Variants in RBFOX1 observed in about 807,000 individuals in gnomAD.
The protein encoded by RBFOX1 is RNA binding fox-1 homolog 1.
Under a neutral mutation model 57.7 loss-of-function variants are expected in RBFOX1, and 8 were observed. The ratio of observed to expected loss-of-function variants is 0.14; its 90% CI spans 0.08 to 0.25. The LOEUF is 0.25. Among genes scored for constraint, RBFOX1 ranks in the 10% least tolerant of loss-of-function variants. The pLI is 1.00. For missense variants in RBFOX1, 611 were observed against 548.5 expected, an observed-to-expected ratio of 1.11 and a Z score of -1.14; for synonymous variants, 326 against 222.4, an observed-to-expected ratio of 1.47 and a Z score of -4.15.
At chr16:5,667,230 A>T (rs1056945721) in intron 3 of RBFOX1, among the ~76,000 whole-genome samples, 9 of 151,744 alleles carry the variant, frequency 5.9e-5, no homozygotes, top group African/African-American at 2.2e-4. Context: ...GGTTTATTTC[A>T]TTCTCCACTC....
intron 3 of RBFOX1, among the ~76,000 whole-genome samples, chr16:6,986,312 C>T (rs1223035272): frequency 1.3e-5 from 2 of 152,044 alleles, no homozygotes; most frequent in Non-Finnish European, 2.9e-5. Flanking sequence ...GCGACTCTTG[C>T]CTCAGCCTCC....
intron 1 of RBFOX1, among the ~76,000 whole-genome samples, chr16:6,304,751 G>A (rs1007469793): frequency 4.0e-5 from 6 of 151,788 alleles, no homozygotes; most frequent in Non-Finnish European, 8.8e-5. Context: ...CAGGTGCGGT[G>A]GTGCACGCCT....
At chr16:6,768,610 T>C (rs78552290) in intron 3 of RBFOX1, among the ~76,000 whole-genome samples, 5,512 of 151,912 alleles carry the variant, frequency 0.036, 273 homozygotes, top group East Asian at 0.26. Context: ...TACAAACATA[T>C]ATGATTTGGT....
chr16:7,709,760 G>T, intron 15 of RBFOX1: 1 of 139,210 alleles, frequency 7.2e-6, no homozygotes, highest in Non-Finnish European at 1.2e-5. Flanking sequence ...AGGGGGTGGG[G>T]GGAGGGTAAA....
At chr16:6,597,871 A>T (rs1465447892) in intron 2 of RBFOX1, among the ~76,000 whole-genome samples, 1 of 152,060 alleles carries the variant, frequency 6.6e-6, no homozygotes, top group African/African-American at 2.4e-5. Flanking sequence ...TGCCATGGCC[A>T]TCTTGGCACC....
chr16:7,180,483 G>T (rs1385070700), intron 4 of RBFOX1, among the ~76,000 whole-genome samples: 1 of 152,112 alleles, frequency 6.6e-6, no homozygotes, highest in African/African-American at 2.4e-5. Flanking sequence ...TCTACACCAC[G>T]TTTATGCACT....
intron 3 of RBFOX1, among the ~76,000 whole-genome samples, chr16:6,736,508 T>C (rs1007261115): frequency 7.9e-5 from 12 of 152,332 alleles, no homozygotes; most frequent in Non-Finnish European, 1.3e-4. Flanking sequence ...TATGGCTAAG[T>C]AGTATTGCAT....
chr16:6,478,351 T>C (rs1348198219), intron 2 of RBFOX1, among the ~76,000 whole-genome samples: 1 of 133,780 alleles, frequency 7.5e-6, no homozygotes, highest in Non-Finnish European at 1.6e-5. Context: ...GCCTCCCAAG[T>C]AGCTGGGATT....
chr16:6,614,394 T>C (rs1036787688), intron 2 of RBFOX1, among the ~76,000 whole-genome samples: 1 of 152,226 alleles, frequency 6.6e-6, no homozygotes, highest in African/African-American at 2.4e-5. Context: ...AATATTGGTA[T>C]CTGCCTAGAA....
chr16:5,285,012 A>G (rs2151158358), intron 1 of RBFOX1, among the ~76,000 whole-genome samples: 1 of 152,000 alleles, frequency 6.6e-6, no homozygotes, highest in Non-Finnish European at 1.5e-5. Flanking sequence ...CATTTGCAAG[A>G]CTTAGGAAGT....
intron 3 of RBFOX1, among the ~76,000 whole-genome samples, chr16:6,963,946 C>A (rs112896262): frequency 6.6e-6 from 1 of 152,078 alleles, no homozygotes; most frequent in Non-Finnish European, 1.5e-5. Flanking sequence ...GATCCACCCG[C>A]CTCGGCCTCC....
At chr16:7,205,712 T>A (rs545711595) in intron 4 of RBFOX1, among the ~76,000 whole-genome samples, 3 of 152,288 alleles carry the variant, frequency 2.0e-5, no homozygotes, top group African/African-American at 7.2e-5. Flanking sequence ...ATCTGCAGTC[T>A]TTGGTGATGG....
At chr16:7,495,003 T>C (rs2068149150) in intron 4 of RBFOX1, among the ~76,000 whole-genome samples, 2 of 152,134 alleles carry the variant, frequency 1.3e-5, no homozygotes, top group Non-Finnish European at 2.9e-5. Flanking sequence ...CCCGTGTCTG[T>C]TGTTCCCTTA....
chr16:7,552,562 A>T (rs1468271801), intron 5 of RBFOX1, among the ~76,000 whole-genome samples: 2 of 152,188 alleles, frequency 1.3e-5, no homozygotes, highest in African/African-American at 4.8e-5. Context: ...CCTCAACTCA[A>T]TTCTTAATAT....
At chr16:5,609,451 G>C (rs1156610170) in intron 3 of RBFOX1, among the ~76,000 whole-genome samples, 2 of 152,190 alleles carry the variant, frequency 1.3e-5, no homozygotes, top group African/African-American at 4.8e-5. Context: ...GCAGAGGAGA[G>C]GTCAGCTTCC....
At chr16:5,982,334 T>C (rs4786072) in intron 4 of RBFOX1, among the ~76,000 whole-genome samples, 97,145 of 151,834 alleles carry the variant, frequency 0.64, 32,629 homozygotes, top group African/African-American at 0.84. Flanking sequence ...AGTGCAGTGG[T>C]TTGATCTGGG....
intron 4 of RBFOX1, among the ~76,000 whole-genome samples, chr16:5,938,694 G>T (rs991855937): frequency 2.4e-4 from 36 of 152,018 alleles, no homozygotes; most frequent in African/African-American, 8.2e-4. Flanking sequence ...GGATCCTGAG[G>T]AATAGCCTGG....
intron 14 of RBFOX1, among the ~76,000 whole-genome samples, 194 bp downstream of exon 14, chr16:7,677,032 ACT>A (rs1401396919): frequency 6.6e-6 from 1 of 151,182 alleles, no homozygotes; most frequent in Admixed American, 6.6e-5. Flanking sequence ...ATTCTAAACT[ACT>A]CTCTCTGCTG....
At chr16:5,257,496 C>G (rs2062616787) in intron 1 of RBFOX1, among the ~76,000 whole-genome samples, 1 of 152,208 alleles carries the variant, frequency 6.6e-6, no homozygotes, top group Non-Finnish European at 1.5e-5. Flanking sequence ...TTCTGCCTCT[C>G]TCCTCCTCTC....
Sources: allele counts gnomAD v4.1 joint callset (sites outside exome capture counted in the v4.1 genomes callset), GRCh38; gene constraint gnomAD v4.1.1; transcripts MANE v1.5; gene names NCBI Gene and HGNC (gene_info 2026-07-23, HGNC 2026-07-21).